TMTC1: variants seen among roughly 807,000 people sequenced by gnomAD.
TMTC1 encodes the protein transmembrane O-mannosyltransferase targeting cadherins 1, also known as protein O-mannosyl-transferase TMTC1.
TMTC1 carries 73 observed loss-of-function variants against 104.8 expected under a neutral mutation model. That is an observed-to-expected ratio of 0.70 (90% CI 0.58 to 0.85). The LOEUF is 0.85. Among genes scored for constraint, TMTC1 ranks in the 40% least tolerant of loss-of-function variants. The pLI is 0.00. For missense variants in TMTC1, 1,035 were observed against 1,096.1 expected (o/e 0.94, Z 0.79); for synonymous variants, 434 against 428.7 (o/e 1.01, Z -0.15).
chr12:29,617,655 T>C (rs1195036317), intron 6 of TMTC1, among the ~76,000 whole-genome samples: 2 of 151,634 alleles, frequency 1.3e-5, no homozygotes, highest in Admixed American at 1.3e-4. Context: ...GTATCTGTAA[T>C]ACACAGATTA....
Position 29,783,468 on chromosome 12 carries a change from A to T in TMTC1, c.284T>A (p.Leu95His). The change falls in exon 1 of 18, where the codon CTC becomes CAC. Residue 95 changes from leucine to histidine, a missense_variant. By Grantham distance (99) the Leu-to-His change is moderately conservative. Coordinates refer to ENST00000539277, the MANE Select transcript of TMTC1 (RefSeq NM_001193451.2). This position sits in a 1 kb window ranked among gnomAD's most constrained non-coding sequence, Gnocchi z 4.7. ...GACTCACTTGAAGGTGAGGACGCAG[A>T]GCGGCCGGTAGGACTTGTGGCTGGT... ...ENTSHKSYRP[L>H]CVLTFKLNIF... The T allele has an allele frequency of 7.5e-7, 1 of 1,335,284 alleles. No individual in the cohort carries two copies. The highest frequency in any genetic ancestry group is 3.1e-5 in the East Asian group (1 of 32,378). The allele number at this position is 1,335,284 out of a possible 1,614,324, so 82.7% of individuals were successfully genotyped here.
chr12:29,749,192 A>G (rs1943028724), intron 5 of TMTC1, among the ~76,000 whole-genome samples: 1 of 152,040 alleles, frequency 6.6e-6, no homozygotes, highest in South Asian at 2.1e-4. Context: ...TTTCTGCTCC[A>G]GCATCATTCA....
chr12:29,601,640 G>A (rs1467321769), intron 7 of TMTC1, among the ~76,000 whole-genome samples: 1 of 152,166 alleles, frequency 6.6e-6, no homozygotes, highest in African/African-American at 2.4e-5. Context: ...AGACAGGGAT[G>A]TGTTTTCCAG....
intron 5 of TMTC1, among the ~76,000 whole-genome samples, chr12:29,656,823 T>C (rs968859170): frequency 2.6e-5 from 4 of 152,250 alleles, no homozygotes; most frequent in African/African-American, 9.6e-5. Flanking sequence ...TGGCTCAAGG[T>C]ACTAATTTTG....
chr12:29,602,670 G>C (rs912982032), intron 7 of TMTC1, among the ~76,000 whole-genome samples: 1 of 151,898 alleles, frequency 6.6e-6, no homozygotes, highest in Admixed American at 6.6e-5. Flanking sequence ...TAATAAAAAT[G>C]CAATAAAATT....
intron 5 of TMTC1, among the ~76,000 whole-genome samples, chr12:29,685,456 T>C (rs927243859): frequency 6.6e-6 from 1 of 151,384 alleles, no homozygotes; most frequent in Non-Finnish European, 1.5e-5. Context: ...GCTTAAAAGA[T>C]TGAGTTTTGC....
At chr12:29,544,325 T>C (rs1228429296) in intron 10 of TMTC1, among the ~76,000 whole-genome samples, 1 of 151,492 alleles carries the variant, frequency 6.6e-6, no homozygotes, top group African/African-American at 2.4e-5. Context: ...CAGTTAACAT[T>C]CAGAGAATAG....
At chr12:29,757,466 C>G (rs909475224) in intron 3 of TMTC1, among the ~76,000 whole-genome samples, 1 of 152,074 alleles carries the variant, frequency 6.6e-6, no homozygotes, top group Non-Finnish European at 1.5e-5. Flanking sequence ...GTGGCTAGGA[C>G]GAGGAGGAAA....
At position 29,520,719 on chromosome 12, in the gene TMTC1, T is replaced by G; in HGVS notation, c.1787A>C (p.Glu596Ala). ...SSLASLLAEQ[E>A]RFKEAEEIYQ... ...TATTTCTTCAGCTTCTTTAAACCGC[T>G]CCTTTAAAAAGAAAGAAACAAACAA... Residue 596 changes from glutamate (E) to alanine (A), a missense_variant and splice_region_variant, in exon 12 of 18, where the codon GAG becomes GCG. By Grantham distance (107) the Glu-to-Ala change is moderately radical. Coordinates refer to ENST00000539277, the MANE Select transcript of TMTC1 (RefSeq NM_001193451.2). 6.2e-7 allele frequency: 1 copy of G among 1,606,608 alleles called. No individual in the cohort carries two copies. The highest frequency in any genetic ancestry group is 8.5e-7 in the Non-Finnish European group (1 of 1,177,586).
intron 5 of TMTC1, among the ~76,000 whole-genome samples, chr12:29,672,725 C>T (rs551335973): frequency 2.0e-5 from 3 of 152,284 alleles, no homozygotes; most frequent in African/African-American, 7.2e-5. Context: ...GACACACGTA[C>T]ACACTGAGTT....
At chr12:29,705,677 T>G (rs1019971884) in intron 5 of TMTC1, among the ~76,000 whole-genome samples, 3 of 152,202 alleles carry the variant, frequency 2.0e-5, no homozygotes, top group African/African-American at 7.2e-5. Flanking sequence ...ATTTCCTCAT[T>G]TCTCTGTGTT....
At chr12:29,544,726 T>C (rs996890111) in intron 10 of TMTC1, among the ~76,000 whole-genome samples, 7 of 152,200 alleles carry the variant, frequency 4.6e-5, no homozygotes, top group Admixed American at 3.9e-4. Flanking sequence ...TAAGGGAAAG[T>C]GTAAAACAAT....
chr12:29,762,313 C>T (rs1348438549), intron 2 of TMTC1, among the ~76,000 whole-genome samples: 1 of 152,178 alleles, frequency 6.6e-6, no homozygotes, highest in Non-Finnish European at 1.5e-5. Flanking sequence ...GGTTGTAATT[C>T]ATGAGATGAT....
intron 5 of TMTC1, among the ~76,000 whole-genome samples, chr12:29,747,732 C>T (rs974994890): frequency 3.3e-5 from 5 of 152,168 alleles, no homozygotes; most frequent in Non-Finnish European, 5.9e-5. Context: ...ATAATAATGA[C>T]GCTGCTGGCT....
intron 2 of TMTC1, 67 bp from the exon 3 acceptor site, chr12:29,758,844 C>A: frequency 2.3e-6 from 3 of 1,303,634 alleles, no homozygotes; most frequent in South Asian, 1.5e-5. Flanking sequence ...TTACACAAAT[C>A]CATTACAGAA....
chr12:29,615,156 C>A (rs1240733741), intron 6 of TMTC1, among the ~76,000 whole-genome samples: 1 of 152,176 alleles, frequency 6.6e-6, no homozygotes, highest in Non-Finnish European at 1.5e-5. Flanking sequence ...ATACTGGTGG[C>A]CTGTGGCAAT....
chr12:29,713,744 C>G (rs1216280006), intron 5 of TMTC1, among the ~76,000 whole-genome samples: 1 of 152,084 alleles, frequency 6.6e-6, no homozygotes, highest in Non-Finnish European at 1.5e-5. Flanking sequence ...CAGGCTCATT[C>G]CTCATTTTGA....
chr12:29,728,218 C>T (rs757440865), intron 5 of TMTC1, among the ~76,000 whole-genome samples: 9 of 152,198 alleles, frequency 5.9e-5, no homozygotes, highest in South Asian at 2.1e-4. Flanking sequence ...CAGAAGGGAG[C>T]GGAGCCAGAT....
intron 10 of TMTC1, among the ~76,000 whole-genome samples, chr12:29,547,273 C>T (rs897468718): frequency 3.9e-5 from 6 of 152,142 alleles, no homozygotes; most frequent in Admixed American, 1.3e-4. Flanking sequence ...CAGGTCTCCG[C>T]GGTGTTTACT....
Sources: allele counts gnomAD v4.1 joint callset (sites outside exome capture counted in the v4.1 genomes callset), GRCh38; gene constraint gnomAD v4.1.1; non-coding constraint Gnocchi (gnomAD v3.1); transcripts MANE v1.5; gene names NCBI Gene and HGNC (gene_info 2026-07-23, HGNC 2026-07-21).